UGGT1: variants seen among roughly 807,000 people sequenced by gnomAD.
The protein encoded by UGGT1 is UDP-glucose glycoprotein glucosyltransferase 1.
A neutral mutation model predicts 203.9 loss-of-function variants in UGGT1; 107 were observed. The observed-to-expected ratio is 0.52, with a 90% CI of 0.45 to 0.62. UGGT1 has a LOEUF of 0.62. UGGT1 is among the 20% of genes least tolerant of loss of function. The pLI is 0.00. For synonymous variants in UGGT1, 628 were observed against 653.5 expected, an observed-to-expected ratio of 0.96 and a Z score of 0.59; for missense variants, 1,673 against 1,867.2, an observed-to-expected ratio of 0.90 and a Z score of 1.92.
intron 11 of UGGT1, 130 bp downstream of exon 11, chr2:128,123,376 T>C: frequency 1.2e-6 from 1 of 810,576 alleles, no homozygotes; most frequent in Non-Finnish European, 1.9e-6. Context: ...TTCATTTCTG[T>C]GATCTTTGCA....
At chr2:128,135,923 A>G (rs1468060648) in intron 15 of UGGT1, among the ~76,000 whole-genome samples, 1 of 152,246 alleles carries the variant, frequency 6.6e-6, no homozygotes, top group Non-Finnish European at 1.5e-5. Flanking sequence ...GGTTAGATGG[A>G]AGAACCTATT....
intron 17 of UGGT1, chr2:128,145,513 C>A: frequency 4.6e-6 from 1 of 218,202 alleles, no homozygotes. Flanking sequence ...CACACACACA[C>A]ACACACACAC....
At chr2:128,115,087 C>T in intron 6 of UGGT1, 37 bp from the exon 7 acceptor site, 1 of 1,585,686 alleles carries the variant, frequency 6.3e-7, no homozygotes, top group Non-Finnish European at 8.7e-7. Context: ...ATAGAAAGAG[C>T]TAGGTGGTAA....
chr2:128,170,756 G>T (rs1691054966), intron 27 of UGGT1, among the ~76,000 whole-genome samples: 1 of 151,870 alleles, frequency 6.6e-6, no homozygotes, highest in African/African-American at 2.4e-5. Flanking sequence ...TTTTGTCTTG[G>T]CATGTCTTTT....
chr2:128,102,974 G>T, intron 2 of UGGT1: 1 of 445,096 alleles, frequency 2.2e-6, no homozygotes, highest in Non-Finnish European at 4.6e-6. Flanking sequence ...GAGGCATTGA[G>T]AAATTTAATA....
intron 8 of UGGT1, among the ~76,000 whole-genome samples, chr2:128,119,380 A>G (rs1449633248): frequency 1.3e-5 from 2 of 151,990 alleles, no homozygotes; most frequent in Non-Finnish European, 2.9e-5. Flanking sequence ...TCACGAGGTC[A>G]GGAGTTCACG....
intron 31 of UGGT1, 50 bp downstream of exon 31, chr2:128,174,908 C>A: frequency 6.6e-7 from 1 of 1,513,608 alleles, no homozygotes; most frequent in Non-Finnish European, 9.1e-7. Flanking sequence ...TAGAAATGAG[C>A]ATTAGCTCTA....
At chr2:128,177,045 G>C in intron 32 of UGGT1, 147 bp downstream of exon 32, 1 of 674,766 alleles carries the variant, frequency 1.5e-6, no homozygotes, top group Non-Finnish European at 2.4e-6. Context: ...TTGTAACTGT[G>C]AGTTTGTGGC....
intron 31 of UGGT1, among the ~76,000 whole-genome samples, chr2:128,175,122 C>A (rs1691305783): frequency 6.6e-6 from 1 of 152,212 alleles, no homozygotes; most frequent in African/African-American, 2.4e-5. Context: ...AGAATCAAAT[C>A]ATTCTATCAG....
chr2:128,114,997 T>A, intron 6 of UGGT1, 127 bp from the exon 7 acceptor site: 1 of 800,620 alleles, frequency 1.2e-6, no homozygotes, highest in Non-Finnish European at 1.9e-6. Flanking sequence ...AAAAACAATT[T>A]AAAGATATTT....
chr2:128,164,625 A>C lies in UGGT1; in HGVS notation c.2826-105A>C, dbSNP rs1024787510. 1.2e-5 allele frequency: 11 copies of C among 926,290 alleles called. No homozygotes were observed. In the African/African-American group the frequency reaches 1.3e-4, roughly 11 times the overall value. The allele number at this position is 926,290 out of a possible 1,614,324, so 57.4% of individuals were successfully genotyped here. ...CAGTACGGACTTTATACCTTGTTCA[A>C]ACCATCTTGTTAGAATTCAGTATTT... On this transcript the variant is annotated intron_variant, in intron 25 of 40. Transcript: ENST00000259253.
chr2:128,128,775 G>C (rs1399876536), intron 12 of UGGT1, among the ~76,000 whole-genome samples: 1 of 152,092 alleles, frequency 6.6e-6, no homozygotes, highest in African/African-American at 2.4e-5. Context: ...TCTTTATTTT[G>C]AGATAATTGT....
At chr2:128,098,542 G>A (rs1458151045) in intron 2 of UGGT1, among the ~76,000 whole-genome samples, 1 of 152,174 alleles carries the variant, frequency 6.6e-6, no homozygotes, top group Non-Finnish European at 1.5e-5. Context: ...GATTGCTTGA[G>A]TCCAGGAATT....
At chr2:128,120,830 C>A (rs571954860) in intron 9 of UGGT1, among the ~76,000 whole-genome samples, 7 of 152,266 alleles carry the variant, frequency 4.6e-5, no homozygotes, top group African/African-American at 1.4e-4. Context: ...TTCCAAAGAA[C>A]TATTTTTCAA....
intron 7 of UGGT1, among the ~76,000 whole-genome samples, 198 bp from the exon 8 acceptor site, chr2:128,116,067 T>C (rs558809332): frequency 6.6e-6 from 1 of 152,192 alleles, no homozygotes; most frequent in African/African-American, 2.4e-5. Context: ...ACAGGAGATA[T>C]TAAAATGCAT....
chr2:128,109,209 A>AT (rs933504628), intron 4 of UGGT1, among the ~76,000 whole-genome samples: 1 of 146,036 alleles, frequency 6.8e-6, no homozygotes, highest in Non-Finnish European at 1.5e-5. Flanking sequence ...GCATTTATTG[A>AT]TTTTGTTTTT....
At chr2:128,178,415 G>A (rs1200215159) in intron 33 of UGGT1, 53 bp from the exon 34 acceptor site, 13 of 1,431,542 alleles carry the variant, frequency 9.1e-6, no homozygotes, top group Middle Eastern at 1.8e-4. Context: ...TTCAAAGGCC[G>A]TGTGTCTGTA....
intron 9 of UGGT1, among the ~76,000 whole-genome samples, chr2:128,120,892 T>G (rs1284835650): frequency 6.6e-6 from 1 of 152,208 alleles, no homozygotes; most frequent in Non-Finnish European, 1.5e-5. Flanking sequence ...TATTTTGTGA[T>G]GTATTGTAAA....
At chr2:128,182,613 T>G (rs998663455) in intron 37 of UGGT1, among the ~76,000 whole-genome samples, 8 of 147,058 alleles carry the variant, frequency 5.4e-5, no homozygotes, top group African/African-American at 2.0e-4. Context: ...GCAGGAGAAT[T>G]GCTTGAACCC....
Sources: allele counts gnomAD v4.1 joint callset (sites outside exome capture counted in the v4.1 genomes callset), GRCh38; gene constraint gnomAD v4.1.1; transcripts MANE v1.5; gene names NCBI Gene and HGNC (gene_info 2026-07-23, HGNC 2026-07-21).